NEMP2: variants seen among roughly 807,000 people sequenced by gnomAD.
NEMP2 encodes nuclear envelope integral membrane protein 2.
In NEMP2, 53 loss-of-function variants were observed where a neutral mutation model predicts 54.2. The ratio of observed to expected loss-of-function variants is 0.98; its 90% CI spans 0.78 to 1.23. The LOEUF (loss-of-function observed/expected upper bound fraction) is 1.23, where lower values mean the gene tolerates loss of function less well. NEMP2 is among the 50% of genes most tolerant of loss of function. NEMP2 has a pLI of 0.00. For synonymous variants in NEMP2, 197 were observed against 190.3 expected (o/e 1.04, Z -0.29); for missense variants, 455 against 511.3 (o/e 0.89, Z 1.06).
At chr2:190,477,339 A>G in the NEMP2 span, 3 of 984,540 alleles carry the variant, frequency 3.0e-6, no homozygotes, top group African/African-American at 1.7e-5. Flanking sequence ...TGCTTTATTT[A>G]TTGGTATGCT....
chr2:190,556,728 G>A, the NEMP2 span, among the ~76,000 whole-genome samples: 2 of 152,138 alleles, frequency 1.3e-5, no homozygotes, highest in Admixed American at 6.5e-5. Flanking sequence ...ATTCACAATT[G>A]CTACAAAGAT....
the NEMP2 span, among the ~76,000 whole-genome samples, chr2:190,455,279 CTATT>C: frequency 7.1e-6 from 1 of 140,620 alleles, no homozygotes; most frequent in East Asian, 2.0e-4. Context: ...ATTCATAGCT[CTATT>C]AATTAAATTT....
chr2:190,624,428 C>G, the NEMP2 span: 1 of 152,160 alleles, frequency 6.6e-6, no homozygotes, highest in Non-Finnish European at 1.5e-5. Context: ...TATAATCTAG[C>G]AATCCTACTG....
At chr2:190,474,545 A>G in the NEMP2 span, among the ~76,000 whole-genome samples, 1 of 152,218 alleles carries the variant, frequency 6.6e-6, no homozygotes, top group African/African-American at 2.4e-5. Flanking sequence ...ATAGACCAAT[A>G]AAAGGCTCTG....
chr2:190,446,491 G>T, the NEMP2 span, among the ~76,000 whole-genome samples: 1 of 152,162 alleles, frequency 6.6e-6, no homozygotes, highest in Non-Finnish European at 1.5e-5. Flanking sequence ...TAAACTGGGA[G>T]AGCTATGTGT....
chr2:190,500,471 G>A, downstream of NEMP2: 4 of 499,688 alleles, frequency 8.0e-6, no homozygotes, highest in Non-Finnish European at 1.4e-5. This position sits in a 1 kb window ranked among gnomAD's most constrained non-coding sequence, Gnocchi z 5.3. Context: ...TCAGTTCTTT[G>A]CTTGGTTAGG....
chr2:190,487,938 G>C, the NEMP2 span, among the ~76,000 whole-genome samples: 1 of 152,066 alleles, frequency 6.6e-6, no homozygotes, highest in Non-Finnish European at 1.5e-5. This position sits in a 1 kb window ranked among gnomAD's most constrained non-coding sequence, Gnocchi z 5.5. Flanking sequence ...ATCTTGCTCT[G>C]TTGCCAGGCT....
At chr2:190,646,594 C>G in the NEMP2 span, among the ~76,000 whole-genome samples, 1 of 152,140 alleles carries the variant, frequency 6.6e-6, no homozygotes, top group African/African-American at 2.4e-5. Context: ...CACCACAGGG[C>G]ATTTAAGGCA....
the NEMP2 span, among the ~76,000 whole-genome samples, chr2:190,644,861 T>C: frequency 6.6e-6 from 1 of 152,072 alleles, no homozygotes; most frequent in Non-Finnish European, 1.5e-5. The surrounding 1 kb of genome is among the most constrained non-coding windows in gnomAD (Gnocchi z 4.4). Flanking sequence ...AGTTTACCTA[T>C]GTAACAAACC....
chr2:190,544,497 G>T, the NEMP2 span, among the ~76,000 whole-genome samples: 1 of 152,044 alleles, frequency 6.6e-6, no homozygotes, highest in Non-Finnish European at 1.5e-5. Context: ...CTCAAATTTT[G>T]GTGTGAATGA....
chr2:190,627,324 T>G, the NEMP2 span, among the ~76,000 whole-genome samples: 1 of 152,232 alleles, frequency 6.6e-6, no homozygotes, highest in Admixed American at 6.5e-5. The surrounding 1 kb of genome is among the most constrained non-coding windows in gnomAD (Gnocchi z 4.4). Flanking sequence ...CAACCCCTTC[T>G]AGGAATGCTT....
rs909245665 is a variant in NEMP2 at position 190,504,574 on chromosome 2, A to G, written c.*4615T>C. On this transcript the variant is annotated 3_prime_UTR_variant, in exon 9 of 9. Transcript: ENST00000409150. The surrounding 1 kb of genome is among the most constrained non-coding windows in gnomAD (Gnocchi z 5.6). Reference sequence around the variant, plus strand: ...AGTGATGATGGTGACAATTCCATAAAGTGCAAAAGTCTGCTGAGAGAGGTT... The same window carrying G: ...AGTGATGATGGTGACAATTCCATAAGGTGCAAAAGTCTGCTGAGAGAGGTT... 5.9e-5 allele frequency: 9 copies of G among 152,212 alleles called. No individual in the cohort carries two copies. The highest frequency in any genetic ancestry group is 2.2e-4 in the African/African-American group (9 of 41,460). 9.4% of individuals were successfully genotyped at this position (152,212 alleles called of 1,614,324 possible). A position where few individuals can be genotyped will look rare whatever the true frequency, so the allele number is the denominator to read the frequency against.
At chr2:190,486,809 C>A in the NEMP2 span, among the ~76,000 whole-genome samples, 1 of 152,156 alleles carries the variant, frequency 6.6e-6, no homozygotes, top group Non-Finnish European at 1.5e-5. Context: ...GGGGATGGAA[C>A]CAGATGATTT....
the NEMP2 span, among the ~76,000 whole-genome samples, chr2:190,463,126 A>G: frequency 0.18 from 27,513 of 152,218 alleles, 2,630 homozygotes; most frequent in East Asian, 0.29. This position sits in a 1 kb window ranked among gnomAD's most constrained non-coding sequence, Gnocchi z 4.4. Context: ...TGAGGGACAC[A>G]GAAATCCTGG....
the NEMP2 span, among the ~76,000 whole-genome samples, chr2:190,430,249 G>A: frequency 2.8e-5 from 4 of 144,504 alleles, no homozygotes; most frequent in East Asian, 2.0e-4. Flanking sequence ...GGTGTTTCTC[G>A]CAGAGGGGGA....
chr2:190,434,718 C>T, the NEMP2 span, among the ~76,000 whole-genome samples: 1 of 152,172 alleles, frequency 6.6e-6, no homozygotes, highest in Non-Finnish European at 1.5e-5. The surrounding 1 kb of genome is among the most constrained non-coding windows in gnomAD (Gnocchi z 4.3). Context: ...AGGTGTGAGC[C>T]ACCGCGCCCG....
At chr2:190,619,466 C>T in the NEMP2 span, among the ~76,000 whole-genome samples, 3 of 151,508 alleles carry the variant, frequency 2.0e-5, no homozygotes, top group African/African-American at 7.3e-5. This position sits in a 1 kb window ranked among gnomAD's most constrained non-coding sequence, Gnocchi z 5.5. Context: ...CATCAGTGTG[C>T]CCCAGCCTGG....
the NEMP2 span, among the ~76,000 whole-genome samples, chr2:190,574,771 C>A: frequency 8.7e-6 from 1 of 114,924 alleles, no homozygotes; most frequent in Admixed American, 8.4e-5. Flanking sequence ...TCCTTCCCTC[C>A]CTTCCCTCCT....
chr2:190,489,928 G>GC, the NEMP2 span: 3 of 1,319,000 alleles, frequency 2.3e-6, no homozygotes, highest in Non-Finnish European at 3.0e-6. The surrounding 1 kb of genome is among the most constrained non-coding windows in gnomAD (Gnocchi z 6.6). Flanking sequence ...GTCAACAAAT[G>GC]CCCCGAGAAG....
Sources: allele counts gnomAD v4.1 joint callset (sites outside exome capture counted in the v4.1 genomes callset), GRCh38; gene constraint gnomAD v4.1.1; non-coding constraint Gnocchi (gnomAD v3.1); transcripts MANE v1.5; gene names NCBI Gene and HGNC (gene_info 2026-07-23, HGNC 2026-07-21).